PACSIN1: variants seen among roughly 807,000 people sequenced by gnomAD.
PACSIN1 encodes protein kinase C and casein kinase substrate in neurons 1, also known as protein kinase C and casein kinase substrate in neurons protein 1.
In PACSIN1, 15 loss-of-function variants were observed where a neutral mutation model predicts 59.5. The observed-to-expected ratio is 0.25, with a 90% confidence interval of 0.17 to 0.39. The LOEUF is 0.39. Among genes scored for constraint, PACSIN1 ranks in the 10% least tolerant of loss-of-function variants. The pLI is 1.00. For missense variants in PACSIN1, 420 were observed against 580.2 expected (o/e 0.72, Z 2.84); for synonymous variants, 210 against 220.6 (o/e 0.95, Z 0.42).
intron 1 of PACSIN1, among the ~76,000 whole-genome samples, chr6:34,496,724 C>T (rs1250302901): frequency 6.6e-6 from 1 of 152,070 alleles, no homozygotes; most frequent in East Asian, 1.9e-4. Context: ...TTTGGGTGGC[C>T]CCTTCCAACT....
At position 34,529,777 on chromosome 6, in the gene PACSIN1, C is replaced by T. The variant is rs368510135; in HGVS notation, c.724C>T (p.Leu242=). Reference sequence around the variant, plus strand: ...ATGCCAGCAATTTGAGGAAAAGCGGCTGGTCTTCCTCAAGGAGGTGCTGCT... The same window carrying T: ...ATGCCAGCAATTTGAGGAAAAGCGGTTGGTCTTCCTCAAGGAGGTGCTGCT... The part of the protein sequence containing the change: ...EQCQQFEEKR[L]VFLKEVLLDI... The change falls in exon 6 of 10, where the codon CTG becomes TTG. Residue 242 remains leucine (L), a synonymous_variant. Transcript: ENST00000244458. The surrounding 1 kb of genome is among the most constrained non-coding windows in gnomAD (Gnocchi z 6.3). 4 of 1,614,088 alleles carry T rather than the reference C, an allele frequency of 2.5e-6. No individual in the cohort carries two copies. The highest frequency in any genetic ancestry group is 3.4e-6 in the Non-Finnish European group (4 of 1,180,002).
chr6:34,527,670 A>G (rs1767514720), intron 3 of PACSIN1, 182 bp downstream of exon 3: 1 of 420,944 alleles, frequency 2.4e-6, no homozygotes, highest in African/African-American at 2.1e-5. Flanking sequence ...ATTTTGTACA[A>G]TTTTAGGTTG....
intron 1 of PACSIN1, among the ~76,000 whole-genome samples, chr6:34,489,476 C>T (rs1766840651): frequency 6.6e-6 from 1 of 152,142 alleles, no homozygotes; most frequent in African/African-American, 2.4e-5. Context: ...GCCTCCACGT[C>T]GAAAACCCAC....
intron 1 of PACSIN1, among the ~76,000 whole-genome samples, chr6:34,495,298 G>A (rs1012022469): frequency 2.0e-5 from 3 of 152,168 alleles, no homozygotes; most frequent in Admixed American, 6.5e-5. Flanking sequence ...GAAATATTCA[G>A]GAATTCTTTC....
At chr6:34,479,499 CGA>C (rs1766685918) in intron 1 of PACSIN1, among the ~76,000 whole-genome samples, 1 of 152,216 alleles carries the variant, frequency 6.6e-6, no homozygotes, top group Non-Finnish European at 1.5e-5. Flanking sequence ...TGCAATGGCA[CGA>C]TCTTGGCCCA....
intron 1 of PACSIN1, 147 bp downstream of exon 1, chr6:34,466,417 G>A (rs1197739762): frequency 6.6e-6 from 1 of 152,534 alleles, no homozygotes; most frequent in African/African-American, 2.4e-5. Flanking sequence ...GGAGAGAAGC[G>A]GGTGCGCGTT....
chr6:34,489,377 G>GAGCT (rs1766839166), intron 1 of PACSIN1, among the ~76,000 whole-genome samples: 1 of 152,060 alleles, frequency 6.6e-6, no homozygotes, highest in Non-Finnish European at 1.5e-5. Flanking sequence ...CTGTACAGTA[G>GAGCT]AGCTCTTGGT....
chr6:34,513,762 C>T (rs971349821), intron 1 of PACSIN1, among the ~76,000 whole-genome samples: 8 of 152,048 alleles, frequency 5.3e-5, no homozygotes, highest in African/African-American at 1.7e-4. Flanking sequence ...CCAACCCCAC[C>T]CCATCCCCCT....
rs190084794 is a variant in PACSIN1, at chr6:34,494,218, C to T, written c.-64+27948C>T. On this transcript the variant is annotated intron_variant, in intron 1 of 9. Transcript: ENST00000244458. ...CAGGCTGGCTCCTTGGTAGAGTTACCCTGCTCTGCCCAGTTCCCCAGTGCC... is the reference window on the plus strand; with the variant it reads ...CAGGCTGGCTCCTTGGTAGAGTTACTCTGCTCTGCCCAGTTCCCCAGTGCC... Among the ~76,000 whole-genome samples the T allele has an allele frequency of 6.6e-5, 10 of 152,224 alleles. No homozygotes were observed. In the East Asian group the frequency reaches 1.7e-3, roughly 26 times the overall value.
chr6:34,499,720 C>T (rs1389704531), intron 1 of PACSIN1, among the ~76,000 whole-genome samples: 6 of 151,780 alleles, frequency 4.0e-5, no homozygotes, highest in South Asian at 2.1e-4. Context: ...TGCTTGAACC[C>T]GGGAAGTGGA....
chr6:34,517,287 C>T (rs1302807647), intron 1 of PACSIN1, among the ~76,000 whole-genome samples: 1 of 152,176 alleles, frequency 6.6e-6, no homozygotes, highest in African/African-American at 2.4e-5. Context: ...CCCATCTTCC[C>T]TCACCTGGGG....
intron 1 of PACSIN1, 39 bp from the exon 2 acceptor site, chr6:34,526,204 C>A (rs1171629346): frequency 2.0e-6 from 2 of 977,296 alleles, no homozygotes; most frequent in East Asian, 2.5e-5. Context: ...GTGGAAGGCC[C>A]TTCCCTCATC....
Position 34,521,984 on chromosome 6 carries a change from T to C in PACSIN1, c.-63-4259T>C, listed in dbSNP as rs544060942. 1.0e-3 allele frequency among the ~76,000 whole-genome samples: 159 copies of C among 152,290 alleles called. No individual in the cohort carries two copies. The highest frequency in any genetic ancestry group is 3.6e-3 in the African/African-American group (148 of 41,562). On this transcript the variant is annotated intron_variant, in intron 1 of 9. Transcript: ENST00000244458. The surrounding 1 kb of genome is among the most constrained non-coding windows in gnomAD (Gnocchi z 4.3). Reference sequence around the variant, plus strand: ...GCGCTGCACAGGCCCCAGGGTCAAGTCCTTACTCTGCCACCTGTAGCTGCG... The same window carrying C: ...GCGCTGCACAGGCCCCAGGGTCAAGCCCTTACTCTGCCACCTGTAGCTGCG...
At chr6:34,501,664 G>T (rs1767025657) in intron 1 of PACSIN1, among the ~76,000 whole-genome samples, 1 of 152,172 alleles carries the variant, frequency 6.6e-6, no homozygotes. Flanking sequence ...GATAAGATAG[G>T]ACCTGTTCTC....
intron 1 of PACSIN1, among the ~76,000 whole-genome samples, chr6:34,520,007 G>A (rs1384158128): frequency 6.6e-6 from 1 of 152,108 alleles, no homozygotes; most frequent in Admixed American, 6.5e-5. Context: ...GAGGGCTGGG[G>A]TATTTGGGGA....
intron 1 of PACSIN1, among the ~76,000 whole-genome samples, chr6:34,491,697 C>T (rs978961147): frequency 4.2e-4 from 63 of 151,738 alleles, no homozygotes; most frequent in African/African-American, 1.3e-3. Context: ...CTGCAACCTC[C>T]GCCTCCTGGA....
chr6:34,508,013 G>A (rs1455598361), intron 1 of PACSIN1, among the ~76,000 whole-genome samples: 1 of 152,220 alleles, frequency 6.6e-6, no homozygotes, highest in Non-Finnish European at 1.5e-5. Context: ...ATGAACACAG[G>A]AGTACAAATT....
At position 34,525,930 on chromosome 6, in the gene PACSIN1, C is replaced by T. The variant is rs1422545001; in HGVS notation, c.-63-313C>T. ...CTCAGATAACTGAGGAGGCGCTGAG[C>T]CTGGGCTCCAACAGTCCAGGAGAGA... On this transcript the variant is annotated intron_variant, in intron 1 of 9. Coordinates refer to ENST00000244458, the MANE Select transcript of PACSIN1 (RefSeq NM_020804.5). This position sits in a 1 kb window ranked among gnomAD's most constrained non-coding sequence, Gnocchi z 4.9. Among the ~76,000 whole-genome samples the T allele has an allele frequency of 2.0e-5, 3 of 152,018 alleles. No individual in the cohort carries two copies. The highest frequency in any genetic ancestry group is 7.2e-5 in the African/African-American group (3 of 41,386).
At chr6:34,508,405 G>A (rs762090204) in intron 1 of PACSIN1, among the ~76,000 whole-genome samples, 10 of 151,916 alleles carry the variant, frequency 6.6e-5, no homozygotes, top group Non-Finnish European at 1.3e-4. Flanking sequence ...GTGCCCAGCA[G>A]TAGTTATTTT....
Sources: allele counts gnomAD v4.1 joint callset (sites outside exome capture counted in the v4.1 genomes callset), GRCh38; gene constraint gnomAD v4.1.1; non-coding constraint Gnocchi (gnomAD v3.1); transcripts MANE v1.5; gene names NCBI Gene and HGNC (gene_info 2026-07-23, HGNC 2026-07-21).